The following MFRP variants were observed in gnomAD, a reference collection of about 807,000 sequenced individuals.
The protein encoded by MFRP is C1q and TNF related 5.
A neutral mutation model predicts 65.8 loss-of-function variants in MFRP; 74 were observed. That is an observed-to-expected ratio of 1.12 (90% CI 0.93 to 1.36). The LOEUF is 1.36. Among genes scored for constraint, MFRP ranks in the 40% most tolerant of loss-of-function variants. The probability of loss-of-function intolerance (pLI) is 0.00; values close to 1 mark genes in which losing one functional copy is unlikely to be tolerated. For synonymous variants in MFRP, 336 were observed against 288.3 expected, an observed-to-expected ratio of 1.17 and a Z score of -1.68; for missense variants, 838 against 736.0, an observed-to-expected ratio of 1.14 and a Z score of -1.60.
Position 119,344,189 on chromosome 11 carries a change from G to A in MFRP, c.975+126C>T, listed in dbSNP as rs181033637. The A allele has an allele frequency of 1.7e-4, 179 of 1,037,382 alleles. 2 individuals carry two copies. Among genetic ancestry groups the A allele is most frequent in the South Asian group, 1.2e-3 (89 of 77,036 alleles). The allele number at this position is 1,037,382 out of a possible 1,614,324, so 64.3% of individuals were successfully genotyped here. On this transcript the variant is annotated intron_variant, in intron 8 of 14. Coordinates refer to ENST00000619721, the MANE Select transcript of MFRP (RefSeq NM_031433.4). ...ACTTAATAATATTCCCCCATCCCCC[G>A]TCTGCTTGATCTCTGACCTTCCCAA...
chr11:119,340,812 AC>A lies in MFRP; in HGVS notation c.*735del. 8.6e-6 allele frequency: 2 copies of A among 231,914 alleles called. No individual in the cohort carries two copies. The highest frequency in any genetic ancestry group is 1.7e-5 in the Non-Finnish European group (2 of 119,018). 14.4% of individuals were successfully genotyped at this position (231,914 alleles called of 1,614,324 possible). ...GCCAGGCGCCCCCTGCCCTGCCGTC[AC>A]CCCAGTCCTGGTTCGCTCCCTGCCG... On this transcript the variant is annotated 3_prime_UTR_variant, in exon 13 of 15. Transcript: ENST00000619721.
intron 9 of MFRP, 107 bp downstream of exon 9, chr11:119,343,709 C>G: frequency 1.4e-6 from 2 of 1,420,480 alleles, no homozygotes; most frequent in Non-Finnish European, 2.0e-6. Context: ...CCTGGAGTAG[C>G]AGAAGAAAAT....
chr11:119,344,456 G>T, intron 7 of MFRP, 65 bp from the exon 8 acceptor site: 1 of 1,552,640 alleles, frequency 6.4e-7, no homozygotes. Flanking sequence ...TAGGGCTGGC[G>T]GTGATTACAG....
Position 119,339,454 on chromosome 11 carries a change from G to A in MFRP, c.*1505C>T, listed in dbSNP as rs1413843173. 2 of 1,613,924 alleles carry A rather than the reference G, an allele frequency of 1.2e-6. No homozygotes were observed. The highest frequency in any genetic ancestry group is 3.3e-5 in the Admixed American group (2 of 59,990). ...CCACACCCACCTGCACCCACACTTGGTCCTCAGGCTCCAGCCTCACCATGG... is the reference window on the plus strand; with the variant it reads ...CCACACCCACCTGCACCCACACTTGATCCTCAGGCTCCAGCCTCACCATGG... On this transcript the variant is annotated 3_prime_UTR_variant, in exon 15 of 15. Coordinates refer to ENST00000619721, the MANE Select transcript of MFRP (RefSeq NM_031433.4). The surrounding 1 kb of genome is among the most constrained non-coding windows in gnomAD (Gnocchi z 5.4).
At chr11:119,344,172 A>G in intron 8 of MFRP, 143 bp downstream of exon 8, 1 of 965,728 alleles carries the variant, frequency 1.0e-6, no homozygotes, top group Non-Finnish European at 1.6e-6. Context: ...GCACTTAATA[A>G]TATTCCCCCA....
At chr11:119,342,119 A>T in intron 11 of MFRP, 135 bp from the exon 12 acceptor site, 1 of 1,061,250 alleles carries the variant, frequency 9.4e-7, no homozygotes, top group Non-Finnish European at 1.4e-6. Context: ...GAGGATAACA[A>T]AGAGACAGGC....
intron 12 of MFRP, 27 bp downstream of exon 12, chr11:119,341,830 C>T (rs370493223): frequency 7.4e-6 from 12 of 1,613,532 alleles, no homozygotes; most frequent in South Asian, 1.1e-5. Flanking sequence ...CTCCCAGGCC[C>T]GCCCTCCTTC....
Position 119,344,666 on chromosome 11 carries a change from G to A in MFRP, c.864C>T (p.Gly288=). ...VCDGFANCAD[G]SDETNCSAKF... Reference sequence around the variant, plus strand: ...TGGCACTGCAATTGGTCTCATCACTGCCGTCAGCACAGTTGGCAAAACCAT... The same window carrying A: ...TGGCACTGCAATTGGTCTCATCACTACCGTCAGCACAGTTGGCAAAACCAT... The change falls in exon 7 of 15, where the codon GGC becomes GGT. Residue 288 remains glycine, a synonymous_variant. Transcript: ENST00000619721. 6.2e-7 allele frequency: 1 copy of A among 1,614,056 alleles called. No homozygotes were observed. The highest frequency in any genetic ancestry group is 1.1e-5 in the South Asian group (1 of 91,084).
At position 119,346,101 on chromosome 11, in the gene MFRP, C is replaced by T; in HGVS notation, c.216G>A (p.Leu72=). Residue 72 remains leucine, a synonymous_variant, in exon 3 of 15, where the codon CTG becomes CTA. Coordinates refer to ENST00000619721, the MANE Select transcript of MFRP (RefSeq NM_031433.4). ...GCAGCAGGAGGAGCAGGCTGGAGAG[C>T]AGGAGGACACAGAGCCAGGAGAAGC... ...DCRFSWLCVL[L]LSSLLLLLLG... is the part of the protein sequence containing the mutation. 6.2e-7 allele frequency: 1 copy of T among 1,608,000 alleles called. No individual in the cohort carries two copies. Among genetic ancestry groups the T allele is most frequent in the Admixed American group, 1.7e-5 (1 of 58,864 alleles).
chr11:119,341,590 C>T lies in MFRP; in HGVS notation c.1698G>A (p.Arg566=). Residue 566 remains arginine, a synonymous_variant, in exon 13 of 15, where the codon AGG becomes AGA. Transcript: ENST00000619721. ...LGTPWPFNCN[R]LPEAADLEAC... is the part of the protein sequence containing the mutation. ...CTTCCAGGTCAGCTGCCTCTGGCAG[C>T]CTGTTGCAGTTGAAGGGCCAGGGGG... 1.2e-6 allele frequency: 2 copies of T among 1,612,904 alleles called. No individual in the cohort carries two copies. Among genetic ancestry groups the T allele is most frequent in the Non-Finnish European group, 1.7e-6 (2 of 1,180,002 alleles).
At position 119,342,189 on chromosome 11, in the gene MFRP, C is replaced by T. The variant is rs182743631; in HGVS notation, c.1388-205G>A. On this transcript the variant is annotated intron_variant, in intron 11 of 14. Transcript: ENST00000619721. ...AGCCTGCTCCAGCATCGCTTGCCAG[C>T]CCTGGGCATCATGCAGGCACGTCTT... Among the ~76,000 whole-genome samples, 43 of 152,330 alleles carry T rather than the reference C, an allele frequency of 2.8e-4. 1 individual carries two copies. The highest frequency in any genetic ancestry group is 7.3e-5 in the Non-Finnish European group (5 of 68,028).
rs371935507 is a variant in MFRP at position 119,344,996 on chromosome 11, C to G, written c.650G>C (p.Gly217Ala). The G allele has an allele frequency of 6.2e-7, 1 of 1,605,164 alleles. No individual in the cohort carries two copies. The highest frequency in any genetic ancestry group is 8.5e-7 in the Non-Finnish European group (1 of 1,176,934). Residue 217 changes from glycine (G) to alanine (A), a missense_variant, in exon 6 of 15, where the codon GGA (glycine) becomes GCA (alanine). Coordinates refer to ENST00000619721, the MANE Select transcript of MFRP (RefSeq NM_031433.4). ...GTTGAGCGTGGGGGGAGGCACCCTT[C>G]CACAAACCCTGCAAGAAGCCAGGTT... ...EPEGPLLRVC[G>A]RVPPPTLNTN...
chr11:119,342,520 A>G (rs1026941698), intron 11 of MFRP, 76 bp downstream of exon 11: 16 of 1,577,152 alleles, frequency 1.0e-5, no homozygotes, highest in Non-Finnish European at 1.3e-5. Flanking sequence ...GGGATGGGAC[A>G]CTGTGCAGTA....
In MFRP at chr11:119,341,520, A is replaced by G. The variant is rs769523574; in HGVS notation, c.*28T>C. 1.3e-6 allele frequency: 2 copies of G among 1,584,964 alleles called. No homozygotes were observed. The highest frequency in any genetic ancestry group is 1.7e-6 in the Non-Finnish European group (2 of 1,157,024). On this transcript the variant is annotated 3_prime_UTR_variant, in exon 13 of 15. Coordinates refer to ENST00000619721, the MANE Select transcript of MFRP (RefSeq NM_031433.4). ...CCCTGACCGGCAAAAGAGGACGGGC[A>G]GGAAGAGGGCAGGGGCCGGCTTCAG...
At position 119,339,343 on chromosome 11, in the gene MFRP, T is replaced by TG; in HGVS notation, c.*1615dup. On this transcript the variant is annotated 3_prime_UTR_variant, in exon 15 of 15. Coordinates refer to ENST00000619721, the MANE Select transcript of MFRP (RefSeq NM_031433.4). The surrounding 1 kb of genome is among the most constrained non-coding windows in gnomAD (Gnocchi z 5.4). ...TTTGCAGTGGGCACTAAGCAAAGAC[T>TG]GGGGAGCTGTGCCAGTCGGAGTACA... is the stretch of plus-strand genomic sequence containing the variant. The TG allele has an allele frequency of 6.2e-7, 1 of 1,612,802 alleles. No homozygotes were observed. The highest frequency in any genetic ancestry group is 8.5e-7 in the Non-Finnish European group (1 of 1,179,234).
rs752823008 is a variant in MFRP, at chr11:119,346,068, C to T, written c.249G>A (p.Leu83=). 12 of 1,610,000 alleles carry T rather than the reference C, an allele frequency of 7.5e-6. No individual in the cohort carries two copies. Among genetic ancestry groups the T allele is most frequent in the African/African-American group, 2.7e-5 (2 of 74,874 alleles). Residue 83 remains leucine (L), a synonymous_variant, in exon 3 of 15, where the codon CTG becomes CTA. Coordinates refer to ENST00000619721, the MANE Select transcript of MFRP (RefSeq NM_031433.4). ...LSSLLLLLLG[L]LVAIILAQLQ... is the part of the protein sequence containing the mutation. The stretch of plus-strand genomic sequence containing the variant: ...TACGGGCCAGGATGATGGCCACCAG[C>T]AGCCCAAGCAGCAGGAGGAGCAGGC...
In MFRP at chr11:119,339,274, G is replaced by A; in HGVS notation, c.*1685C>T. The A allele has an allele frequency of 6.4e-7, 1 of 1,567,620 alleles. No homozygotes were observed. Among genetic ancestry groups the A allele is most frequent in the Non-Finnish European group, 8.7e-7 (1 of 1,153,478 alleles). On this transcript the variant is annotated 3_prime_UTR_variant, in exon 15 of 15. Coordinates refer to ENST00000619721, the MANE Select transcript of MFRP (RefSeq NM_031433.4). This position sits in a 1 kb window ranked among gnomAD's most constrained non-coding sequence, Gnocchi z 5.4. ...GCCAGCCCTCCTGGATGACCTGGTT[G>A]TCAGCCTCACACCCTCCTTCTAGGA...
In MFRP at chr11:119,344,883, G is replaced by A. The variant is rs1326979667; in HGVS notation, c.763C>T (p.Pro255Ser). 6 of 1,613,024 alleles carry A rather than the reference G, an allele frequency of 3.7e-6. No individual in the cohort carries two copies. The highest frequency in any genetic ancestry group is 1.7e-5 in the Admixed American group (1 of 59,956). Reference protein sequence around the residue: ...GFHAWYQAMAPGRGSCAHDEF... With the variant: ...GFHAWYQAMASGRGSCAHDEF... Reference sequence around the variant, plus strand: ...GTGGGAACACACTCACCGCGCCCAGGGGCCATAGCCTGGTACCAGGCATGG... The same window carrying A: ...GTGGGAACACACTCACCGCGCCCAGAGGCCATAGCCTGGTACCAGGCATGG... The change falls in exon 6 of 15, where the codon CCT becomes TCT. Residue 255 changes from proline (P) to serine (S), a missense_variant. Coordinates refer to ENST00000619721, the MANE Select transcript of MFRP (RefSeq NM_031433.4).
intron 14 of MFRP, among the ~76,000 whole-genome samples, 159 bp from the exon 15 acceptor site, chr11:119,340,007 A>T (rs1950484286): frequency 6.6e-6 from 1 of 152,034 alleles, no homozygotes; most frequent in Non-Finnish European, 1.5e-5. Context: ...CGCAGGGCAG[A>T]TCTGGGGGGC....
Sources: allele counts gnomAD v4.1 joint callset (sites outside exome capture counted in the v4.1 genomes callset), GRCh38; gene constraint gnomAD v4.1.1; non-coding constraint Gnocchi (gnomAD v3.1); transcripts MANE v1.5; gene names NCBI Gene and HGNC (gene_info 2026-07-23, HGNC 2026-07-21).